DPP6: variants seen among roughly 807,000 people sequenced by gnomAD.
The protein encoded by DPP6 is dipeptidyl peptidase like 6.
Under a neutral mutation model 122.6 loss-of-function variants are expected in DPP6, and 69 were observed. The observed-to-expected ratio is 0.56, with a 90% CI of 0.46 to 0.69. The LOEUF (loss-of-function observed/expected upper bound fraction) is 0.69. DPP6 is among the 30% of genes least tolerant of loss of function. The pLI is 0.00. For synonymous variants in DPP6, 418 were observed against 433.1 expected (o/e 0.97, Z 0.43); for missense variants, 928 against 1,116.9 (o/e 0.83, Z 2.41).
At chr7:154,349,210 C>G (rs1008835589) in intron 1 of DPP6, among the ~76,000 whole-genome samples, 1 of 152,238 alleles carries the variant, frequency 6.6e-6, no homozygotes, top group African/African-American at 2.4e-5. Context: ...GAGTCTCGCT[C>G]TGTCACCCAG....
intron 1 of DPP6, among the ~76,000 whole-genome samples, chr7:154,238,640 A>G (rs781457656): frequency 1.3e-5 from 2 of 152,240 alleles, no homozygotes; most frequent in Non-Finnish European, 2.9e-5. Flanking sequence ...CACTGGTTCC[A>G]GAGTCCACGC....
chr7:154,584,781 C>T (rs1249151974), intron 5 of DPP6, among the ~76,000 whole-genome samples: 1 of 152,192 alleles, frequency 6.6e-6, no homozygotes, highest in Non-Finnish European at 1.5e-5. Flanking sequence ...CAGCCAGTCG[C>T]TACGATTACT....
intron 20 of DPP6, among the ~76,000 whole-genome samples, chr7:154,879,982 A>G (rs1218718616): frequency 6.6e-6 from 1 of 152,242 alleles, no homozygotes; most frequent in Non-Finnish European, 1.5e-5. Context: ...GGACAGTGAC[A>G]GTGTCTCGAC....
At chr7:153,859,947 CAG>C in the DPP6 span, among the ~76,000 whole-genome samples, 2 of 152,182 alleles carry the variant, frequency 1.3e-5, no homozygotes, top group East Asian at 1.9e-4. Flanking sequence ...GCCCTTGACA[CAG>C]GGGGATAATT....
chr7:154,106,789 A>G (rs1806193409), intron 1 of DPP6, among the ~76,000 whole-genome samples: 2 of 152,100 alleles, frequency 1.3e-5, no homozygotes, highest in Non-Finnish European at 2.9e-5. Context: ...GGAAAAGTTG[A>G]GACCCATGTG....
intron 17 of DPP6, among the ~76,000 whole-genome samples, chr7:154,857,538 T>G (rs1802944695): frequency 6.6e-6 from 1 of 152,188 alleles, no homozygotes; most frequent in Non-Finnish European, 1.5e-5. Context: ...TTTTGATATG[T>G]CTGATGTCCT....
At chr7:154,186,107 G>A (rs1798341657) in intron 1 of DPP6, among the ~76,000 whole-genome samples, 1 of 152,228 alleles carries the variant, frequency 6.6e-6, no homozygotes, top group Admixed American at 6.5e-5. Flanking sequence ...TCAGTGAAGT[G>A]AGTGGTTCCT....
At chr7:154,428,141 T>G (rs2151246277) in intron 1 of DPP6, among the ~76,000 whole-genome samples, 1 of 152,344 alleles carries the variant, frequency 6.6e-6, no homozygotes, top group South Asian at 2.1e-4. Flanking sequence ...GTGACATAAC[T>G]TCTGTTGAGA....
chr7:154,334,889 C>G (rs1019482636), intron 1 of DPP6, among the ~76,000 whole-genome samples: 1 of 151,936 alleles, frequency 6.6e-6, no homozygotes, highest in Non-Finnish European at 1.5e-5. Flanking sequence ...GAGGAAGACT[C>G]TGTCTCAAAA....
At chr7:154,305,271 CG>C in intron 1 of DPP6, 1 of 1,301,540 alleles carries the variant, frequency 7.7e-7, no homozygotes, top group South Asian at 2.5e-5. Context: ...CACTAAGCAG[CG>C]GCAGCTTCCT....
chr7:154,365,682 G>C (rs1250315621), intron 1 of DPP6, among the ~76,000 whole-genome samples: 1 of 151,242 alleles, frequency 6.6e-6, no homozygotes. Flanking sequence ...GGCCAGGCGC[G>C]GTGGCTCATG....
At chr7:154,868,795 G>T (rs141831974) in intron 18 of DPP6, among the ~76,000 whole-genome samples, 1 of 152,294 alleles carries the variant, frequency 6.6e-6, no homozygotes, top group African/African-American at 2.4e-5. Context: ...CCACCAGGTC[G>T]TTACTCTTGG....
At chr7:154,489,096 A>G (rs1824049138) in intron 3 of DPP6, among the ~76,000 whole-genome samples, 1 of 152,212 alleles carries the variant, frequency 6.6e-6, no homozygotes, top group African/African-American at 2.4e-5. Context: ...CTTGCTTAAG[A>G]GAACCTTTCC....
At chr7:154,589,100 A>G (rs1303109187) in intron 5 of DPP6, among the ~76,000 whole-genome samples, 1 of 152,192 alleles carries the variant, frequency 6.6e-6, no homozygotes, top group Admixed American at 6.5e-5. Context: ...AAACCTGATC[A>G]CACCCTGCAC....
At chr7:154,231,464 T>C (rs1403905429) in intron 1 of DPP6, among the ~76,000 whole-genome samples, 1 of 152,132 alleles carries the variant, frequency 6.6e-6, no homozygotes, top group Non-Finnish European at 1.5e-5. Context: ...AGAACCACGA[T>C]GTAAGTGTCA....
intron 1 of DPP6, among the ~76,000 whole-genome samples, chr7:154,060,200 G>C (rs1194899718): frequency 7.0e-6 from 1 of 143,536 alleles, no homozygotes; most frequent in African/African-American, 2.7e-5. Context: ...CACGGGGACT[G>C]AGAGCGAGCC....
At chr7:153,790,581 T>A in the DPP6 span, among the ~76,000 whole-genome samples, 1 of 152,220 alleles carries the variant, frequency 6.6e-6, no homozygotes, top group African/African-American at 2.4e-5. Context: ...AAATATTGAA[T>A]GCCTAAAGCT....
chr7:154,479,569 A>AG, intron 3 of DPP6, among the ~76,000 whole-genome samples: 1 of 122,884 alleles, frequency 8.1e-6, no homozygotes, highest in African/African-American at 2.7e-5. Flanking sequence ...AAAAAAAAAA[A>AG]AAAAAGAAAA....
At chr7:154,386,284 C>T (rs560316341) in intron 1 of DPP6, among the ~76,000 whole-genome samples, 2 of 152,220 alleles carry the variant, frequency 1.3e-5, no homozygotes, top group East Asian at 1.9e-4. Flanking sequence ...TCTAGGCATC[C>T]GTTTGTGTTC....
Sources: allele counts gnomAD v4.1 joint callset (sites outside exome capture counted in the v4.1 genomes callset), GRCh38; gene constraint gnomAD v4.1.1; transcripts MANE v1.5; gene names NCBI Gene and HGNC (gene_info 2026-07-23, HGNC 2026-07-21).